Variants in NYAP2 observed in about 807,000 individuals in gnomAD.
The protein encoded by NYAP2 is neuronal tyrosine-phosphorylated phosphoinositide-3-kinase adaptor 2.
NYAP2 carries 23 observed loss-of-function variants against 50.4 expected under a neutral mutation model. The observed-to-expected ratio is 0.46, with a 90% CI of 0.33 to 0.65. The LOEUF (loss-of-function observed/expected upper bound fraction) is 0.65, where lower values mean the gene tolerates loss of function less well. Among genes scored for constraint, NYAP2 ranks in the 30% least tolerant of loss-of-function variants. NYAP2 has a pLI of 0.02. For synonymous variants in NYAP2, 394 were observed against 365.2 expected, an observed-to-expected ratio of 1.08 and a Z score of -0.90; for missense variants, 885 against 861.0, an observed-to-expected ratio of 1.03 and a Z score of -0.35.
At chr2:225,493,285 C>A (rs1037405016) in intron 3 of NYAP2, among the ~76,000 whole-genome samples, 2 of 152,168 alleles carry the variant, frequency 1.3e-5, no homozygotes, top group African/African-American at 4.8e-5. Context: ...CCACACCTGG[C>A]ACATAGCAAC....
chr2:225,444,136 T>G (rs1371918975), intron 3 of NYAP2, among the ~76,000 whole-genome samples: 1 of 152,178 alleles, frequency 6.6e-6, no homozygotes, highest in Non-Finnish European at 1.5e-5. Flanking sequence ...CTGTATAAAT[T>G]TAAATGGCAG....
At chr2:225,476,542 T>G (rs757519113) in intron 3 of NYAP2, among the ~76,000 whole-genome samples, 8 of 151,934 alleles carry the variant, frequency 5.3e-5, no homozygotes, top group Non-Finnish European at 1.0e-4. Flanking sequence ...AACAGAAAAA[T>G]GGATGCAAAT....
chr2:225,404,968 A>C (rs1201286691), intron 2 of NYAP2, among the ~76,000 whole-genome samples: 1 of 152,004 alleles, frequency 6.6e-6, no homozygotes, highest in Non-Finnish European at 1.5e-5. Context: ...GTTGGCCACA[A>C]ATTTCAAGGA....
intron 4 of NYAP2, among the ~76,000 whole-genome samples, chr2:225,529,363 G>A (rs1414836824): frequency 3.3e-5 from 5 of 151,848 alleles, no homozygotes; most frequent in African/African-American, 7.2e-5. Flanking sequence ...CTCTCTTGTC[G>A]CCCAGGCTGG....
intron 3 of NYAP2, among the ~76,000 whole-genome samples, chr2:225,448,242 T>G (rs1195348795): frequency 6.6e-6 from 1 of 152,216 alleles, no homozygotes; most frequent in African/African-American, 2.4e-5. Flanking sequence ...CTCCTGCTTT[T>G]GTGGGTAGGA....
At chr2:225,397,939 G>A (rs1315140427), upstream of NYAP2, among the ~76,000 whole-genome samples, 5 of 149,358 alleles carry the variant, frequency 3.3e-5, no homozygotes, top group Non-Finnish European at 7.4e-5. Context: ...GAGGAAGGAA[G>A]GAAGGAAAGA....
At chr2:225,633,129 G>A (rs1288916427) in intron 6 of NYAP2, among the ~76,000 whole-genome samples, 3 of 152,182 alleles carry the variant, frequency 2.0e-5, no homozygotes, top group Non-Finnish European at 2.9e-5. Context: ...TGAAAAAGGT[G>A]AAGAGACACA....
At chr2:225,475,139 G>A (rs554794837) in intron 3 of NYAP2, among the ~76,000 whole-genome samples, 1 of 152,316 alleles carries the variant, frequency 6.6e-6, no homozygotes, top group South Asian at 2.1e-4. Context: ...AGAAAATAAA[G>A]TCATAAATGA....
intron 3 of NYAP2, among the ~76,000 whole-genome samples, chr2:225,452,902 A>G (rs966633639): frequency 6.6e-6 from 1 of 152,196 alleles, no homozygotes; most frequent in Non-Finnish European, 1.5e-5. Flanking sequence ...TGGACGGCAC[A>G]GTAACCAAAT....
the NYAP2 span, among the ~76,000 whole-genome samples, chr2:225,692,166 G>A: frequency 1.3e-5 from 2 of 152,046 alleles, no homozygotes; most frequent in Non-Finnish European, 2.9e-5. Context: ...GCTAACTAAT[G>A]AGGCACAAAA....
chr2:225,661,307 T>C, the NYAP2 span, among the ~76,000 whole-genome samples: 1 of 152,222 alleles, frequency 6.6e-6, no homozygotes, highest in Non-Finnish European at 1.5e-5. Flanking sequence ...CCATGAGTTT[T>C]TTACTCAAGA....
At chr2:225,424,787 A>G (rs868033954) in intron 3 of NYAP2, among the ~76,000 whole-genome samples, 6 of 152,150 alleles carry the variant, frequency 3.9e-5, no homozygotes, top group Admixed American at 3.3e-4. Flanking sequence ...AACTAAAGTA[A>G]AAAGGGAGAT....
chr2:225,524,271 A>G (rs1221833106), intron 4 of NYAP2, among the ~76,000 whole-genome samples: 1 of 152,204 alleles, frequency 6.6e-6, no homozygotes, highest in Non-Finnish European at 1.5e-5. Context: ...TAAAAGTGGA[A>G]GAACTTGGAG....
intron 3 of NYAP2, among the ~76,000 whole-genome samples, chr2:225,493,106 C>G (rs531180778): frequency 6.6e-6 from 1 of 152,012 alleles, no homozygotes; most frequent in African/African-American, 2.4e-5. Flanking sequence ...TGCCACAGCC[C>G]CAACAAATAG....
At chr2:225,600,085 A>G (rs1420553580) in intron 5 of NYAP2, among the ~76,000 whole-genome samples, 1 of 152,130 alleles carries the variant, frequency 6.6e-6, no homozygotes, top group Non-Finnish European at 1.5e-5. Context: ...TATTACTCAG[A>G]TCAGTCTCTC....
At chr2:225,584,062 A>AAAC (rs1692349393) in intron 5 of NYAP2, among the ~76,000 whole-genome samples, 1 of 152,126 alleles carries the variant, frequency 6.6e-6, no homozygotes, top group Admixed American at 6.5e-5. Flanking sequence ...AACAAACAAA[A>AAAC]AAAAAACCTT....
chr2:225,602,469 CTTTG>C (rs371286112), intron 5 of NYAP2, among the ~76,000 whole-genome samples: 10 of 152,106 alleles, frequency 6.6e-5, no homozygotes, highest in African/African-American at 2.2e-4. Context: ...TGAGGCTGTT[CTTTG>C]TTTGAAAGAG....
At chr2:225,655,686 G>A (rs1258231884), downstream of NYAP2, among the ~76,000 whole-genome samples, 2 of 152,104 alleles carry the variant, frequency 1.3e-5, no homozygotes, top group Non-Finnish European at 2.9e-5. Context: ...ATTGGAAACA[G>A]TGCCATCTAT....
the NYAP2 span, chr2:225,703,646 TTTAAA>T: frequency 1.3e-5 from 2 of 151,840 alleles, no homozygotes; most frequent in Non-Finnish European, 2.9e-5. Context: ...AAAGCAATAG[TTTAAA>T]TTAGTTGACT....
Sources: allele counts gnomAD v4.1 joint callset (sites outside exome capture counted in the v4.1 genomes callset), GRCh38; gene constraint gnomAD v4.1.1; transcripts MANE v1.5; gene names NCBI Gene and HGNC (gene_info 2026-07-23, HGNC 2026-07-21).